MAP2: variants seen among roughly 807,000 people sequenced by gnomAD.
MAP2 encodes microtubule-associated protein 2.
A neutral mutation model predicts 137.6 loss-of-function variants in MAP2; 14 were observed. The ratio of observed to expected loss-of-function variants is 0.10; its 90% CI spans 0.07 to 0.16. The LOEUF is 0.16. Ranked by LOEUF, MAP2 falls within the 10% of genes least tolerant of loss-of-function variation. The probability of loss-of-function intolerance (pLI) is 1.00; values close to 1 mark genes in which losing one functional copy is unlikely to be tolerated. For missense variants in MAP2, 2,088 were observed against 2,191.5 expected (o/e 0.95, Z 0.94); for synonymous variants, 786 against 782.3 (o/e 1.00, Z -0.08).
intron 2 of MAP2, among the ~76,000 whole-genome samples, chr2:209,514,427 A>G (rs2062169564): frequency 1.3e-5 from 2 of 151,906 alleles, no homozygotes; most frequent in African/African-American, 4.8e-5. Flanking sequence ...AAAGACAACC[A>G]CTGGCTATGT....
chr2:209,553,422 T>C (rs1294379307), intron 2 of MAP2, among the ~76,000 whole-genome samples: 2 of 152,160 alleles, frequency 1.3e-5, no homozygotes, highest in Non-Finnish European at 2.9e-5. Context: ...ATGCTTGTGT[T>C]TATGAATGTA....
chr2:209,568,058 G>T (rs1277245022), intron 2 of MAP2, among the ~76,000 whole-genome samples: 1 of 152,030 alleles, frequency 6.6e-6, no homozygotes, highest in African/African-American at 2.4e-5. Flanking sequence ...AATATTCAAA[G>T]TGTGTTGTAG....
chr2:209,545,422 T>C (rs906089258), intron 2 of MAP2, among the ~76,000 whole-genome samples: 1 of 152,262 alleles, frequency 6.6e-6, no homozygotes, highest in African/African-American at 2.4e-5. Context: ...TACCTTGTTT[T>C]ATTTTATTTT....
chr2:209,501,282 C>A (rs1427384513), intron 1 of MAP2, among the ~76,000 whole-genome samples: 1 of 152,082 alleles, frequency 6.6e-6, no homozygotes, highest in Non-Finnish European at 1.5e-5. Flanking sequence ...ATTTTCAGCT[C>A]ACAATTAATT....
Position 209,619,376 on chromosome 2 carries a change from A to G in MAP2, c.-106-5677A>G, listed in dbSNP as rs189791426. Among the ~76,000 whole-genome samples, 4 of 152,282 alleles carry G rather than the reference A, an allele frequency of 2.6e-5. No individual in the cohort carries two copies. In the East Asian group the frequency reaches 7.7e-4, roughly 29 times the overall value. ...CAATGTATACATATTTCAAAACATC[A>G]TATTATACATGATAAATATATATAA... On this transcript the variant is annotated intron_variant, in intron 3 of 15. Coordinates refer to ENST00000682079, the MANE Select transcript of MAP2 (RefSeq NM_001375505.1).
intron 5 of MAP2, among the ~76,000 whole-genome samples, chr2:209,654,842 G>A (rs989468884): frequency 2.0e-5 from 3 of 152,120 alleles, no homozygotes; most frequent in Admixed American, 6.6e-5. Flanking sequence ...TTGAGTGAGC[G>A]AGTGAATGAA....
chr2:209,731,955 C>A lies in MAP2; in HGVS notation c.*1558C>A, dbSNP rs1042784427. On this transcript the variant is annotated 3_prime_UTR_variant, in exon 16 of 16. Transcript: ENST00000682079. The stretch of plus-strand genomic sequence containing the variant: ...GACTGTATATACAGTCTAGAACTCA[C>A]AAATCAATTAGTTCCTCTCACAAAT... The A allele has an allele frequency of 1.3e-5, 2 of 152,028 alleles. No individual in the cohort carries two copies. Among genetic ancestry groups the A allele is most frequent in the African/African-American group, 4.8e-5 (2 of 41,370 alleles). 9.4% of individuals were successfully genotyped at this position (152,028 alleles called of 1,614,324 possible). A position where few individuals can be genotyped will look rare whatever the true frequency, so the allele number is the denominator to read the frequency against.
intron 12 of MAP2, among the ~76,000 whole-genome samples, chr2:209,707,436 T>C (rs1313053798): frequency 1.3e-5 from 2 of 152,102 alleles, no homozygotes; most frequent in South Asian, 2.1e-4. Context: ...CTTCTACTTG[T>C]GCACCATCCC....
At chr2:209,515,792 A>C (rs974355001) in intron 2 of MAP2, among the ~76,000 whole-genome samples, 8 of 151,976 alleles carry the variant, frequency 5.3e-5, no homozygotes, top group Admixed American at 5.3e-4. Flanking sequence ...TTTTTATTTC[A>C]TTTATTTATG....
chr2:209,731,730 A>G lies in MAP2; in HGVS notation c.*1333A>G, dbSNP rs567682536. On this transcript the variant is annotated 3_prime_UTR_variant, in exon 16 of 16. Coordinates refer to ENST00000682079, the MANE Select transcript of MAP2 (RefSeq NM_001375505.1). ...ATAGTATCTGTTTATTAAATTCTCT[A>G]ATAGAAGATGTTTGTCTTTCTTACC... The G allele has an allele frequency of 1.4e-4, 21 of 152,460 alleles. No individual in the cohort carries two copies. The South Asian group carries it at 4.4e-3, about 32-fold the overall frequency. The allele number at this position is 152,460 out of a possible 1,614,324, so 9.4% of individuals were successfully genotyped here. A position where few individuals can be genotyped will look rare whatever the true frequency, so the allele number is the denominator to read the frequency against.
intron 2 of MAP2, among the ~76,000 whole-genome samples, chr2:209,549,828 G>A (rs566588735): frequency 2.5e-4 from 38 of 152,230 alleles, no homozygotes; most frequent in African/African-American, 6.5e-4. Context: ...TGGCACATCC[G>A]TTCTGGTTTC....
At chr2:209,696,852 T>C (rs2060302033) in intron 9 of MAP2, 65 bp from the exon 10 acceptor site, 1 of 1,555,402 alleles carries the variant, frequency 6.4e-7, no homozygotes, top group African/African-American at 1.4e-5. Flanking sequence ...TAAAATTTCG[T>C]TCGGTTTTGC....
At chr2:209,436,022 T>A (rs1456979123) in intron 1 of MAP2, among the ~76,000 whole-genome samples, 5 of 140,888 alleles carry the variant, frequency 3.5e-5, no homozygotes, top group African/African-American at 1.0e-4. Context: ...ATATTATATA[T>A]AAAATATATA....
chr2:209,530,255 A>T (rs565514602), intron 2 of MAP2, among the ~76,000 whole-genome samples: 1 of 152,104 alleles, frequency 6.6e-6, no homozygotes, highest in Non-Finnish European at 1.5e-5. Flanking sequence ...CTAGTCACAT[A>T]TACTTCTTGT....
At chr2:209,653,018 T>A (rs2094910681) in intron 4 of MAP2, 124 bp from the exon 5 acceptor site, 1 of 631,456 alleles carries the variant, frequency 1.6e-6, no homozygotes, top group Non-Finnish European at 2.7e-6. Flanking sequence ...CATAGGTTAT[T>A]GTACATGTTT....
intron 4 of MAP2, among the ~76,000 whole-genome samples, chr2:209,643,443 T>C (rs1214259991): frequency 6.6e-6 from 1 of 152,170 alleles, no homozygotes; most frequent in Non-Finnish European, 1.5e-5. Context: ...TACTAAATAA[T>C]TCAATTACTT....
intron 3 of MAP2, among the ~76,000 whole-genome samples, chr2:209,620,075 G>T (rs1256516423): frequency 1.3e-5 from 2 of 152,142 alleles, no homozygotes; most frequent in Non-Finnish European, 2.9e-5. Context: ...GAAGTGGCCT[G>T]GAGAGTCTTC....
chr2:209,699,332 C>T (rs1351959746), intron 10 of MAP2, among the ~76,000 whole-genome samples: 1 of 150,330 alleles, frequency 6.7e-6, no homozygotes, highest in East Asian at 2.0e-4. Context: ...ATTCAGAGGG[C>T]TTATAAGGAT....
chr2:209,695,523 A>G lies in MAP2; in HGVS notation c.3353A>G (p.Asp1118Gly). The change falls in exon 8 of 16, where the codon GAC (aspartate) becomes GGC (glycine). Residue 1118 changes from aspartate to glycine, a missense_variant. Asp to Gly is a moderately conservative substitution (Grantham distance 94). Coordinates refer to ENST00000682079, the MANE Select transcript of MAP2 (RefSeq NM_001375505.1). The part of the protein sequence containing the change: ...TEVKEKVAKP[D>G]LVHQEAVDKE... Reference sequence around the variant, plus strand: ...GTCAAAGAGAAGGTGGCCAAGCCTGACTTGGTGCACCAGGAGGCTGTAGAC... The same window carrying G: ...GTCAAAGAGAAGGTGGCCAAGCCTGGCTTGGTGCACCAGGAGGCTGTAGAC... The G allele has an allele frequency of 6.2e-7, 1 of 1,614,120 alleles. No individual in the cohort carries two copies.
Sources: allele counts gnomAD v4.1 joint callset (sites outside exome capture counted in the v4.1 genomes callset), GRCh38; gene constraint gnomAD v4.1.1; transcripts MANE v1.5; gene names NCBI Gene and HGNC (gene_info 2026-07-23, HGNC 2026-07-21).